Variants in SLC25A48 observed in about 807,000 individuals in gnomAD.
SLC25A48 encodes solute carrier family 25 member 48.
In SLC25A48, 29 loss-of-function variants were observed where a neutral mutation model predicts 32.2. That is an observed-to-expected ratio of 0.90 (90% CI 0.67 to 1.23). The LOEUF (loss-of-function observed/expected upper bound fraction) is 1.23. Among genes scored for constraint, SLC25A48 ranks in the 50% most tolerant of loss-of-function variants. The pLI, the probability that SLC25A48 is intolerant of heterozygous loss-of-function variation, is 0.00. For missense variants in SLC25A48, 399 were observed against 422.7 expected, an observed-to-expected ratio of 0.94 and a Z score of 0.49; for synonymous variants, 164 against 172.3, an observed-to-expected ratio of 0.95 and a Z score of 0.38.
intron 3 of SLC25A48, among the ~76,000 whole-genome samples, chr5:135,648,185 C>T (rs758861547): frequency 1.2e-4 from 18 of 152,170 alleles, no homozygotes; most frequent in Non-Finnish European, 4.4e-5. Context: ...GTCATTCTCT[C>T]CCAGGACCTG....
chr5:135,873,991 C>A (rs1476886859), intron 5 of SLC25A48, 30 bp from the exon 6 acceptor site: 1 of 1,519,080 alleles, frequency 6.6e-7, no homozygotes, highest in East Asian at 2.5e-5. Flanking sequence ...AAGGAGCTAG[C>A]CCCTGACACC....
At chr5:135,759,588 C>T (rs1756011836) in intron 3 of SLC25A48, among the ~76,000 whole-genome samples, 1 of 152,152 alleles carries the variant, frequency 6.6e-6, no homozygotes, top group Non-Finnish European at 1.5e-5. Context: ...AAGATTAGAG[C>T]ATTTCCATCA....
chr5:135,626,690 T>C (rs890786088), intron 1 of SLC25A48, among the ~76,000 whole-genome samples: 6 of 152,158 alleles, frequency 3.9e-5, no homozygotes, highest in African/African-American at 4.8e-5. Context: ...TGCCCCAATC[T>C]ATGCATCCTA....
chr5:135,685,725 A>G (rs1269177462), intron 3 of SLC25A48, among the ~76,000 whole-genome samples: 2 of 152,188 alleles, frequency 1.3e-5, no homozygotes, highest in African/African-American at 2.4e-5. Flanking sequence ...CACCCAGCCT[A>G]TGTAAGGACC....
intron 3 of SLC25A48, among the ~76,000 whole-genome samples, chr5:135,781,973 T>C (rs1464304137): frequency 9.4e-6 from 1 of 106,360 alleles, no homozygotes; most frequent in African/African-American, 2.7e-5. Flanking sequence ...ACAGGGGTTG[T>C]ACAACTTCCC....
intron 3 of SLC25A48, among the ~76,000 whole-genome samples, chr5:135,640,522 A>G (rs1752808797): frequency 1.3e-5 from 2 of 152,164 alleles, no homozygotes; most frequent in South Asian, 4.1e-4. Context: ...ACAATACCTG[A>G]CAAAATATTA....
intron 3 of SLC25A48, among the ~76,000 whole-genome samples, chr5:135,644,433 A>G (rs950967267): frequency 6.6e-6 from 1 of 152,126 alleles, no homozygotes; most frequent in Non-Finnish European, 1.5e-5. Context: ...TGATGGTGAC[A>G]TCTGATGAAC....
At chr5:135,862,975 TG>T (rs1244488958) in intron 4 of SLC25A48, among the ~76,000 whole-genome samples, 3 of 152,146 alleles carry the variant, frequency 2.0e-5, no homozygotes, top group Non-Finnish European at 4.4e-5. Context: ...AAGAGAAAAC[TG>T]GCCTCTGGAA....
intron 1 of SLC25A48, among the ~76,000 whole-genome samples, chr5:135,606,631 C>A (rs1004026261): frequency 2.6e-5 from 4 of 152,136 alleles, no homozygotes; most frequent in African/African-American, 7.2e-5. Flanking sequence ...CTGAACAAGC[C>A]CCCAGCTCCT....
intron 4 of SLC25A48, among the ~76,000 whole-genome samples, chr5:135,813,665 T>C (rs1757643801): frequency 6.6e-6 from 1 of 152,152 alleles, no homozygotes; most frequent in African/African-American, 2.4e-5. Flanking sequence ...CTTATCTGAA[T>C]TGGAGAAGAG....
intron 1 of SLC25A48, among the ~76,000 whole-genome samples, chr5:135,628,110 C>T (rs1752478487): frequency 6.6e-6 from 1 of 152,090 alleles, no homozygotes; most frequent in African/African-American, 2.4e-5. Flanking sequence ...GAGAAGGTGA[C>T]ATTTGGCTGG....
intron 3 of SLC25A48, among the ~76,000 whole-genome samples, chr5:135,805,412 A>T (rs552473912): frequency 6.6e-6 from 1 of 151,690 alleles, no homozygotes; most frequent in African/African-American, 2.4e-5. Flanking sequence ...ATAATGTAAT[A>T]TGAAGATATT....
intron 3 of SLC25A48, among the ~76,000 whole-genome samples, chr5:135,801,301 G>T (rs573084504): frequency 6.6e-6 from 1 of 151,262 alleles, no homozygotes; most frequent in South Asian, 2.1e-4. Context: ...CAATATCGCA[G>T]GGGGTGTATA....
At chr5:135,665,938 G>T (rs1032456482) in intron 3 of SLC25A48, among the ~76,000 whole-genome samples, 2 of 152,046 alleles carry the variant, frequency 1.3e-5, no homozygotes, top group Non-Finnish European at 2.9e-5. Flanking sequence ...TACTTATTTG[G>T]GTACTTTTTT....
intron 4 of SLC25A48, among the ~76,000 whole-genome samples, chr5:135,813,903 C>G (rs1313131171): frequency 1.3e-5 from 2 of 152,146 alleles, no homozygotes; most frequent in Non-Finnish European, 2.9e-5. Flanking sequence ...CCCAAGCCGG[C>G]TCTGGGTGAT....
rs771781767 is a variant in SLC25A48, at chr5:135,871,623, A to G, written c.584A>G (p.Tyr195Cys). The G allele has an allele frequency of 1.2e-6, 2 of 1,614,006 alleles. No individual in the cohort carries two copies. Among genetic ancestry groups the G allele is most frequent in the Non-Finnish European group, 8.5e-7 (1 of 1,180,008 alleles). The change falls in exon 5 of 8, where the codon TAC (tyrosine) becomes TGC (cysteine). Residue 195 changes from tyrosine (Y) to cysteine (C), a missense_variant. Transcript: ENST00000681962. ...LLRDVPGYCL[Y>C]FIPYVFLSEW... ...AGGGATGTCCCAGGCTATTGCCTCT[A>G]CTTCATCCCCTACGTGTTCCTGAGT... is the stretch of plus-strand genomic sequence containing the variant.
intron 3 of SLC25A48, among the ~76,000 whole-genome samples, chr5:135,753,567 C>G (rs1755822187): frequency 6.6e-6 from 1 of 151,616 alleles, no homozygotes. Flanking sequence ...CCTTTGGTGA[C>G]ATGAACAGTA....
chr5:135,602,237 A>C (rs987271052), intron 1 of SLC25A48, among the ~76,000 whole-genome samples: 2 of 152,240 alleles, frequency 1.3e-5, no homozygotes, highest in African/African-American at 4.8e-5. Context: ...ACACTCAGTA[A>C]GGCCAAACAT....
chr5:135,589,703 T>C (rs1751463434), intron 1 of SLC25A48, among the ~76,000 whole-genome samples: 1 of 152,158 alleles, frequency 6.6e-6, no homozygotes, highest in African/African-American at 2.4e-5. Flanking sequence ...TTCATTTATT[T>C]ATTTATTTTG....
Sources: gnomAD v4.1 joint callset for allele counts (sites outside exome capture counted in the v4.1 genomes callset) on GRCh38, gnomAD v4.1.1 for gene constraint, MANE v1.5 for transcripts, NCBI Gene and HGNC (gene_info 2026-07-23, HGNC 2026-07-21) for gene names.